Variants in CATSPERE observed in about 807,000 individuals in gnomAD.
The protein encoded by CATSPERE is catsper channel auxiliary subunit epsilon.
CATSPERE carries 93 observed loss-of-function variants against 114.1 expected under a neutral mutation model. The ratio of observed to expected loss-of-function variants is 0.81; its 90% CI spans 0.69 to 0.97. CATSPERE has a LOEUF of 0.97. CATSPERE is among the 50% of genes least tolerant of loss of function. The pLI is 0.00. For synonymous variants in CATSPERE, 341 were observed against 384.1 expected (o/e 0.89, Z 1.31); for missense variants, 1,058 against 1,131.6 (o/e 0.93, Z 0.93).
chr1:244,509,556 G>T (rs1268369057), intron 7 of CATSPERE, among the ~76,000 whole-genome samples: 1 of 152,120 alleles, frequency 6.6e-6, no homozygotes, highest in Non-Finnish European at 1.5e-5. Flanking sequence ...TTGTGTCCTT[G>T]TCTGGTTTTG....
chr1:244,603,246 G>C (rs912951242), intron 17 of CATSPERE, among the ~76,000 whole-genome samples: 3 of 152,140 alleles, frequency 2.0e-5, no homozygotes, highest in Non-Finnish European at 2.9e-5. Flanking sequence ...CAAGGCCCCA[G>C]AAGTTATGGC....
At chr1:244,613,570 A>G (rs116085919) in intron 19 of CATSPERE, among the ~76,000 whole-genome samples, 34 of 152,274 alleles carry the variant, frequency 2.2e-4, no homozygotes, top group African/African-American at 7.9e-4. Context: ...AAATAGAGGA[A>G]TTTTCAGTGA....
rs370693220 is a variant in CATSPERE at position 244,553,560 on chromosome 1, G to A, written c.1029+746G>A. Among the ~76,000 whole-genome samples the A allele has an allele frequency of 5.6e-5, 7 of 125,698 alleles. No individual in the cohort carries two copies. The East Asian group carries it at 9.1e-4, about 16-fold the overall frequency. The allele number at this position is 125,698 out of a possible 152,430, so 82.5% of individuals were successfully genotyped here. A position where few individuals can be genotyped will look rare whatever the true frequency, so the allele number is the denominator to read the frequency against. ...CGTGCCACTGCACTCCAGCCTGGGCGACAGAGCGAGACCCCGTCTCAAAAA... is the reference window on the plus strand; with the variant it reads ...CGTGCCACTGCACTCCAGCCTGGGCAACAGAGCGAGACCCCGTCTCAAAAA... On this transcript the variant is annotated intron_variant, in intron 9 of 21. Transcript: ENST00000366534.
At chr1:244,496,485 T>C (rs928316403) in intron 6 of CATSPERE, among the ~76,000 whole-genome samples, 1 of 152,200 alleles carries the variant, frequency 6.6e-6, no homozygotes, top group African/African-American at 2.4e-5. Context: ...CTGGTGTATC[T>C]GATTTGAATC....
At chr1:244,552,864 G>T in intron 9 of CATSPERE, 50 bp downstream of exon 9, 1 of 979,040 alleles carries the variant, frequency 1.0e-6, no homozygotes, top group Non-Finnish European at 1.3e-6. Flanking sequence ...ATTTTACAAA[G>T]GTATTTACCA....
At chr1:244,478,822 G>A (rs1669772846) in intron 4 of CATSPERE, among the ~76,000 whole-genome samples, 1 of 151,904 alleles carries the variant, frequency 6.6e-6, no homozygotes, top group East Asian at 2.0e-4. Flanking sequence ...GAGGTCAGAA[G>A]TTCAAGACCA....
chr1:244,621,122 T>G (rs1205931738), intron 20 of CATSPERE, among the ~76,000 whole-genome samples: 1 of 99,784 alleles, frequency 1.0e-5, no homozygotes, highest in Non-Finnish European at 1.8e-5. Context: ...ATATAATATA[T>G]ATATAAATAT....
chr1:244,574,500 CA>C (rs1196441646), intron 11 of CATSPERE, among the ~76,000 whole-genome samples: 1 of 152,126 alleles, frequency 6.6e-6, no homozygotes, highest in Non-Finnish European at 1.5e-5. Context: ...TTTATTTTTA[CA>C]ATTCCTTCCT....
intron 17 of CATSPERE, among the ~76,000 whole-genome samples, chr1:244,604,259 C>T (rs1669675631): frequency 6.6e-6 from 1 of 152,252 alleles, no homozygotes; most frequent in Admixed American, 6.5e-5. Flanking sequence ...CAATCCCTAG[C>T]TAGTCATGCC....
intron 7 of CATSPERE, among the ~76,000 whole-genome samples, chr1:244,499,693 A>C (rs538374833): frequency 5.9e-5 from 9 of 152,076 alleles, no homozygotes; most frequent in Non-Finnish European, 1.2e-4. Flanking sequence ...TTATGACTGC[A>C]TAGTATTCCA....
At chr1:244,481,223 G>GGA (rs1359234369) in intron 5 of CATSPERE, among the ~76,000 whole-genome samples, 1 of 152,196 alleles carries the variant, frequency 6.6e-6, no homozygotes, top group East Asian at 1.9e-4. Flanking sequence ...GGCCAGGGCA[G>GGA]GTGGACCTGA....
At chr1:244,542,274 C>T (rs2148463465) in intron 8 of CATSPERE, among the ~76,000 whole-genome samples, 1 of 152,180 alleles carries the variant, frequency 6.6e-6, no homozygotes, top group African/African-American at 2.4e-5. Flanking sequence ...TATCTGGCCT[C>T]ACACAACACC....
intron 8 of CATSPERE, among the ~76,000 whole-genome samples, chr1:244,523,562 T>C (rs200751594): frequency 1.9e-4 from 27 of 138,732 alleles, no homozygotes; most frequent in African/African-American, 5.4e-4. Flanking sequence ...TGTTTGCAGA[T>C]GACATGATTG....
At chr1:244,567,854 C>T (rs1346504125) in intron 10 of CATSPERE, among the ~76,000 whole-genome samples, 2 of 152,024 alleles carry the variant, frequency 1.3e-5, no homozygotes, top group African/African-American at 2.4e-5. Flanking sequence ...GTTCATCAAA[C>T]TCATTCTCTG....
chr1:244,573,432 C>CAA lies in CATSPERE; in HGVS notation c.1950+663_1950+664dup. ...TCTCAAAAAACAAAACAAAACAAAA[C>CAA]AAAACAAAACAAAAAAACCAATTCT... On this transcript the variant is annotated intron_variant, in intron 11 of 21. Coordinates refer to ENST00000366534, the MANE Select transcript of CATSPERE (RefSeq NM_001130957.2). The surrounding 1 kb of genome is among the most constrained non-coding windows in gnomAD (Gnocchi z 4.0). 6.6e-6 allele frequency among the ~76,000 whole-genome samples: 1 copy of CAA among 151,864 alleles called. No individual in the cohort carries two copies. The highest frequency in any genetic ancestry group is 2.4e-5 in the African/African-American group (1 of 41,320).
intron 20 of CATSPERE, among the ~76,000 whole-genome samples, chr1:244,632,556 A>G (rs1203981001): frequency 6.6e-6 from 1 of 152,020 alleles, no homozygotes; most frequent in African/African-American, 2.4e-5. Context: ...AATGGTATAT[A>G]TACAAATAGT....
At chr1:244,535,293 C>T (rs189159208) in intron 8 of CATSPERE, among the ~76,000 whole-genome samples, 123 of 152,276 alleles carry the variant, frequency 8.1e-4, no homozygotes, top group Non-Finnish European at 1.4e-3. Context: ...CCCTAGGGCT[C>T]TACAACCAGC....
intron 13 of CATSPERE, among the ~76,000 whole-genome samples, chr1:244,587,302 C>T (rs758079723): frequency 6.6e-6 from 1 of 152,176 alleles, no homozygotes. Flanking sequence ...TTGCTACTAA[C>T]GGTAGAGGTA....
intron 10 of CATSPERE, among the ~76,000 whole-genome samples, chr1:244,571,076 A>G (rs1321732733): frequency 6.6e-6 from 1 of 152,236 alleles, no homozygotes; most frequent in Non-Finnish European, 1.5e-5. Context: ...TAAATTTTAT[A>G]TATCATTATA....
Sources: allele counts gnomAD v4.1 joint callset (sites outside exome capture counted in the v4.1 genomes callset), GRCh38; gene constraint gnomAD v4.1.1; non-coding constraint Gnocchi (gnomAD v3.1); transcripts MANE v1.5; gene names NCBI Gene and HGNC (gene_info 2026-07-23, HGNC 2026-07-21).